Variants in SLC2A9 observed in about 807,000 individuals in gnomAD.
The protein encoded by SLC2A9 is solute carrier family 2, facilitated glucose transporter member 9.
Under a neutral mutation model 50.6 loss-of-function variants are expected in SLC2A9, and 39 were observed. That is an observed-to-expected ratio of 0.77 (90% CI 0.60 to 1.01). The LOEUF is 1.01. Among genes scored for constraint, SLC2A9 ranks in the 50% least tolerant of loss-of-function variants. The pLI is 0.00. For missense variants in SLC2A9, 686 were observed against 677.6 expected, an observed-to-expected ratio of 1.01 and a Z score of -0.14; for synonymous variants, 324 against 276.9, an observed-to-expected ratio of 1.17 and a Z score of -1.69.
rs141846487 is a variant in SLC2A9 at position 10,030,341 on chromosome 4, A to G, written c.-40-4335T>C. 5.2e-3 allele frequency among the ~76,000 whole-genome samples: 795 copies of G among 152,338 alleles called. 7 individuals carry two copies. Among genetic ancestry groups the G allele is most frequent in the Middle Eastern group, 0.02 (6 of 294 alleles). ...CACACATATGTACAATTATTTGTCA[A>G]TCAAAAATAAATAAATAAATAAAAT... On this transcript the variant is annotated intron_variant, in intron 1 of 12. Transcript: ENST00000309065.
downstream of SLC2A9, among the ~76,000 whole-genome samples, chr4:9,822,480 A>G (rs1217152409): frequency 6.6e-6 from 1 of 152,116 alleles, no homozygotes; most frequent in Non-Finnish European, 1.5e-5. Context: ...TTCAAAATCT[A>G]CTTTTTCTAC....
chr4:9,778,378 C>T (rs573870609), downstream of SLC2A9, among the ~76,000 whole-genome samples: 4 of 152,148 alleles, frequency 2.6e-5, no homozygotes, highest in Non-Finnish European at 5.9e-5. Flanking sequence ...CTTCAGCCTC[C>T]CAAAGTACTG....
downstream of SLC2A9, among the ~76,000 whole-genome samples, chr4:9,776,759 G>A (rs1364136199): frequency 6.6e-6 from 1 of 152,134 alleles, no homozygotes; most frequent in African/African-American, 2.4e-5. Flanking sequence ...GGGGCTTAAA[G>A]ACTGTAGCAT....
chr4:9,783,567 A>G (rs954785080), intron 3 of SLC2A9: 1 of 1,120,802 alleles, frequency 8.9e-7, no homozygotes, highest in African/African-American at 1.6e-5. Flanking sequence ...TCCCTTTATC[A>G]TGTGTTTCTG....
At chr4:9,880,021 T>A in intron 10 of SLC2A9, 2 of 985,426 alleles carry the variant, frequency 2.0e-6, no homozygotes, top group Non-Finnish European at 2.4e-6. Flanking sequence ...TCCTGGGAGA[T>A]CCATCCCTCT....
downstream of SLC2A9, among the ~76,000 whole-genome samples, chr4:9,794,220 C>G (rs1235846304): frequency 6.6e-6 from 1 of 151,592 alleles, no homozygotes; most frequent in East Asian, 1.9e-4. Flanking sequence ...GCGATCTTGG[C>G]TCACTGCAAC....
downstream of SLC2A9, among the ~76,000 whole-genome samples, chr4:9,778,745 C>G (rs1258996976): frequency 6.6e-6 from 1 of 152,172 alleles, no homozygotes; most frequent in East Asian, 1.9e-4. Flanking sequence ...ACAGATAGAG[C>G]AGAGGGAGAA....
At chr4:9,803,624 A>T (rs1204984137) in intron 3 of SLC2A9, among the ~76,000 whole-genome samples, 1 of 152,212 alleles carries the variant, frequency 6.6e-6, no homozygotes, top group East Asian at 1.9e-4. Context: ...CTATGGAGAC[A>T]TGCTCTATCA....
At chr4:9,848,981 C>T (rs1298938010) in intron 10 of SLC2A9, among the ~76,000 whole-genome samples, 1 of 152,184 alleles carries the variant, frequency 6.6e-6, no homozygotes, top group African/African-American at 2.4e-5. Flanking sequence ...GGATTACAGG[C>T]GTGAGCCACC....
intron 3 of SLC2A9, among the ~76,000 whole-genome samples, chr4:9,819,370 C>T (rs994075390): frequency 6.6e-6 from 1 of 152,136 alleles, no homozygotes; most frequent in Non-Finnish European, 1.5e-5. Flanking sequence ...TTATTTTAGC[C>T]ATTCCAATAG....
In SLC2A9 at chr4:9,826,384, A is replaced by T. The variant is rs370977021; in HGVS notation, c.*13T>A. On this transcript the variant is annotated 3_prime_UTR_variant, in exon 12 of 12. Transcript: ENST00000264784. ...TTTTTGACATAATTGTCCAACGTGG[A>T]GGAGGAAACTTGTTAAGGCCTTCCA... 7 of 1,613,224 alleles carry T rather than the reference A, an allele frequency of 4.3e-6. No individual in the cohort carries two copies. In the African/African-American group the frequency reaches 9.3e-5, roughly 22 times the overall value.
intron 3 of SLC2A9, among the ~76,000 whole-genome samples, chr4:9,819,661 T>C (rs1724132160): frequency 6.6e-6 from 1 of 152,218 alleles, no homozygotes; most frequent in Non-Finnish European, 1.5e-5. Flanking sequence ...TGGCCCGGTG[T>C]GGTGGCTCAT....
At chr4:10,011,341 C>T (rs976299030) in intron 2 of SLC2A9, among the ~76,000 whole-genome samples, 1 of 152,160 alleles carries the variant, frequency 6.6e-6, no homozygotes, top group African/African-American at 2.4e-5. Flanking sequence ...ACCCCCCACT[C>T]CAGTCTGTGG....
chr4:10,036,981 A>G (rs143000284), intron 1 of SLC2A9, among the ~76,000 whole-genome samples: 4 of 152,266 alleles, frequency 2.6e-5, no homozygotes, highest in Admixed American at 1.3e-4. Context: ...AGCATTCTCA[A>G]ATCCTGCTGC....
chr4:9,771,508 T>C (rs1451890055), intron 1 of SLC2A9: 1 of 398,558 alleles, frequency 2.5e-6, no homozygotes, highest in African/African-American at 2.1e-5. Context: ...CTGGGAAGCA[T>C]AGAGAGTGCA....
intron 8 of SLC2A9, among the ~76,000 whole-genome samples, chr4:9,891,911 C>T (rs1036904549): frequency 2.0e-5 from 3 of 152,234 alleles, no homozygotes; most frequent in South Asian, 2.1e-4. Context: ...CCAGAGCACA[C>T]ATGGCTCCTG....
chr4:9,879,688 C>T, intron 10 of SLC2A9: 1 of 985,378 alleles, frequency 1.0e-6, no homozygotes, highest in Non-Finnish European at 1.2e-6. Context: ...TGCATCTGTC[C>T]ACTCCATTTA....
intron 11 of SLC2A9, among the ~76,000 whole-genome samples, chr4:9,832,607 T>C (rs1726359520): frequency 6.6e-6 from 1 of 152,092 alleles, no homozygotes. Context: ...GTTTCGAAAA[T>C]GCCCACAGGC....
intron 1 of SLC2A9, chr4:10,035,079 T>A (rs1321976876): frequency 6.6e-6 from 1 of 152,246 alleles, no homozygotes; most frequent in Non-Finnish European, 1.5e-5. Flanking sequence ...GTGCAGGACG[T>A]TTCACCCTTT....
Sources: gnomAD v4.1 joint callset for allele counts (sites outside exome capture counted in the v4.1 genomes callset) on GRCh38, gnomAD v4.1.1 for gene constraint, MANE v1.5 for transcripts, NCBI Gene and HGNC (gene_info 2026-07-23, HGNC 2026-07-21) for gene names.